Variants in FRAS1 observed in about 807,000 individuals in gnomAD.
The protein encoded by FRAS1 is extracellular matrix organizing protein FRAS1.
In FRAS1, 290 loss-of-function variants were observed where a neutral mutation model predicts 435.2. The observed-to-expected ratio is 0.67, with a 90% confidence interval of 0.61 to 0.73. FRAS1 has a LOEUF of 0.73. Among genes scored for constraint, FRAS1 ranks in the 30% least tolerant of loss-of-function variants. The pLI is 0.00. For missense variants in FRAS1, 4,860 were observed against 5,001.5 expected (o/e 0.97, Z 0.85); for synonymous variants, 1,800 against 1,851.0 (o/e 0.97, Z 0.71).
chr4:78,503,638 A>G (rs1186063598), intron 61 of FRAS1, among the ~76,000 whole-genome samples: 3 of 152,062 alleles, frequency 2.0e-5, no homozygotes, highest in Non-Finnish European at 4.4e-5. Context: ...TGGTCAATCA[A>G]TTTTGTTGAT....
chr4:78,328,858 A>G (rs1475767898), intron 18 of FRAS1, among the ~76,000 whole-genome samples: 1 of 152,204 alleles, frequency 6.6e-6, no homozygotes, highest in African/African-American at 2.4e-5. Flanking sequence ...ATTTCTTATC[A>G]GGAGAATGAG....
chr4:78,354,023 T>TAAAAAAAAAAAAAAAA (rs767987937), intron 20 of FRAS1, among the ~76,000 whole-genome samples: 37 of 106,030 alleles, frequency 3.5e-4, no homozygotes, highest in East Asian at 1.6e-3. Flanking sequence ...AAAAATAAAA[T>TAAAAAAAAAAAAAAAA]AAAAAAAAAA....
intron 54 of FRAS1, 26 bp downstream of exon 54, chr4:78,475,632 A>C (rs1236786728): frequency 2.0e-6 from 3 of 1,511,308 alleles, no homozygotes; most frequent in Non-Finnish European, 2.7e-6. Flanking sequence ...GGGTTGGGGG[A>C]GGCTCCAGCA....
chr4:78,170,993 C>G (rs1347837935), intron 2 of FRAS1, among the ~76,000 whole-genome samples: 1 of 151,882 alleles, frequency 6.6e-6, no homozygotes, highest in African/African-American at 2.4e-5. Flanking sequence ...TTTTTAATGT[C>G]TGTCTTTATT....
intron 58 of FRAS1, among the ~76,000 whole-genome samples, chr4:78,485,751 G>A (rs980757870): frequency 1.3e-5 from 2 of 152,132 alleles, no homozygotes; most frequent in Admixed American, 6.6e-5. Flanking sequence ...TGATGAAGCT[G>A]GAATTAAAAT....
At chr4:78,135,103 T>C (rs1324595160) in intron 2 of FRAS1, among the ~76,000 whole-genome samples, 1 of 152,124 alleles carries the variant, frequency 6.6e-6, no homozygotes, top group Non-Finnish European at 1.5e-5. Flanking sequence ...ACAAACCATA[T>C]TACAAAAGAG....
In FRAS1 at chr4:78,387,485, C is replaced by T; in HGVS notation, c.3759C>T (p.Val1253=). ...ATGATGACAACCCACAGGATGTGGT[C>T]ATTGAAATAATCGATCCTCCACTTC... ...IRDDDNPQDV[V]IEIIDPPLHG... is the part of the protein sequence containing the mutation. Residue 1253 remains valine, a synonymous_variant, in exon 29 of 74, where the codon GTC becomes GTT. Coordinates refer to ENST00000512123, the MANE Select transcript of FRAS1 (RefSeq NM_025074.7). 1.2e-6 allele frequency: 2 copies of T among 1,613,664 alleles called. No homozygotes were observed. Among genetic ancestry groups the T allele is most frequent in the Non-Finnish European group, 1.7e-6 (2 of 1,179,780 alleles).
chr4:78,519,496 G>A lies in FRAS1; in HGVS notation c.10540+15G>A, dbSNP rs766110910. Reference sequence around the variant, plus strand: ...CTGGAGAACAGGTATGCCCACTGACGCCTTAACTATCCCTTTAGTTAGGGC... The same window carrying A: ...CTGGAGAACAGGTATGCCCACTGACACCTTAACTATCCCTTTAGTTAGGGC... On this transcript the variant is annotated intron_variant, in intron 67 of 73. Transcript: ENST00000512123. 181 of 1,602,670 alleles carry A rather than the reference G, an allele frequency of 1.1e-4. 1 individual carries two copies. The highest frequency in any genetic ancestry group is 3.2e-4 in the East Asian group (14 of 44,292).
rs1487913625 is a variant in FRAS1 at position 78,522,813 on chromosome 4, A to T, written c.10808+5A>T. 6.3e-7 allele frequency: 1 copy of T among 1,598,988 alleles called. No homozygotes were observed. Among genetic ancestry groups the T allele is most frequent in the Non-Finnish European group, 8.5e-7 (1 of 1,173,866 alleles). On this transcript the variant is annotated splice_donor_5th_base_variant and intron_variant, in intron 69 of 73. Coordinates refer to ENST00000512123, the MANE Select transcript of FRAS1 (RefSeq NM_025074.7). ...AGCCACAAGCTCTTATAACAGGTAA[A>T]TACAGTGATGGAGGCCTCCATGGGT...
intron 2 of FRAS1, among the ~76,000 whole-genome samples, chr4:78,067,708 A>ATTATTG (rs751750821): frequency 0.031 from 4,215 of 135,620 alleles, 86 homozygotes; most frequent in Middle Eastern, 0.075. Flanking sequence ...TATTATTATT[A>ATTATTG]TTATTTGTAA....
At chr4:78,163,979 A>G (rs1317055328) in intron 2 of FRAS1, among the ~76,000 whole-genome samples, 4 of 152,132 alleles carry the variant, frequency 2.6e-5, no homozygotes, top group Admixed American at 2.6e-4. Context: ...CCACTGCCCC[A>G]CCCACTGGCC....
chr4:78,249,164 G>A (rs1725413996), intron 4 of FRAS1, among the ~76,000 whole-genome samples: 1 of 143,562 alleles, frequency 7.0e-6, no homozygotes, highest in Non-Finnish European at 1.5e-5. Context: ...CTCTGGGGAA[G>A]GAGGTGTCAC....
At chr4:78,385,900 A>G (rs1028226759) in intron 28 of FRAS1, among the ~76,000 whole-genome samples, 1 of 151,526 alleles carries the variant, frequency 6.6e-6, no homozygotes, top group African/African-American at 2.4e-5. Flanking sequence ...AAAAAAAAAA[A>G]GCTGAAACAG....
At chr4:78,218,493 T>C (rs1308612562) in intron 2 of FRAS1, among the ~76,000 whole-genome samples, 3 of 152,222 alleles carry the variant, frequency 2.0e-5, no homozygotes, top group Non-Finnish European at 4.4e-5. Flanking sequence ...TTGCAGACTG[T>C]GTGGACATGG....
intron 6 of FRAS1, among the ~76,000 whole-genome samples, chr4:78,260,289 T>C (rs1172780506): frequency 6.6e-6 from 1 of 151,898 alleles, no homozygotes; most frequent in East Asian, 1.9e-4. Context: ...TAAATTACCT[T>C]GGGCAGTATG....
At chr4:78,534,277 T>G (rs1327078796) in intron 70 of FRAS1, among the ~76,000 whole-genome samples, 172 bp from the exon 71 acceptor site, 1 of 152,186 alleles carries the variant, frequency 6.6e-6, no homozygotes, top group East Asian at 1.9e-4. Context: ...AAGAAATAAC[T>G]ACCAAATAAA....
chr4:78,248,564 A>ACAC, intron 4 of FRAS1, among the ~76,000 whole-genome samples: 1 of 152,168 alleles, frequency 6.6e-6, no homozygotes, highest in Non-Finnish European at 1.5e-5. Context: ...CTAAAAGGAT[A>ACAC]ACTAATTTAT....
intron 2 of FRAS1, among the ~76,000 whole-genome samples, chr4:78,087,922 CTACTT>C (rs1741282026): frequency 1.3e-5 from 2 of 152,178 alleles, no homozygotes; most frequent in African/African-American, 2.4e-5. Flanking sequence ...TTGGAAAAAA[CTACTT>C]TAAAGTTCAT....
chr4:78,483,767 ACTCTCTCT>A (rs148245140), intron 58 of FRAS1, among the ~76,000 whole-genome samples: 3,310 of 110,080 alleles, frequency 0.03, 425 homozygotes, highest in African/African-American at 0.056. Context: ...GAAAAAAAAA[ACTCTCTCT>A]CTCTCTCTAT....
Sources: allele counts gnomAD v4.1 joint callset (sites outside exome capture counted in the v4.1 genomes callset), GRCh38; gene constraint gnomAD v4.1.1; transcripts MANE v1.5; gene names NCBI Gene and HGNC (gene_info 2026-07-23, HGNC 2026-07-21).